ATRNL1: variants seen among roughly 807,000 people sequenced by gnomAD.
ATRNL1 encodes the protein attractin-like protein 1.
A neutral mutation model predicts 182.7 loss-of-function variants in ATRNL1; 95 were observed. The ratio of observed to expected loss-of-function variants is 0.52; its 90% CI spans 0.44 to 0.62. The LOEUF is 0.62. Among genes scored for constraint, ATRNL1 ranks in the 20% least tolerant of loss-of-function variants. The probability of loss-of-function intolerance (pLI) is 0.00; values close to 1 mark genes in which losing one functional copy is unlikely to be tolerated. For missense variants in ATRNL1, 1,471 were observed against 1,679.5 expected, an observed-to-expected ratio of 0.88 and a Z score of 2.17; for synonymous variants, 576 against 568.3, an observed-to-expected ratio of 1.01 and a Z score of -0.19.
At chr10:115,124,411 A>C (rs1425198236) in intron 3 of ATRNL1, among the ~76,000 whole-genome samples, 7 of 152,154 alleles carry the variant, frequency 4.6e-5, no homozygotes, top group African/African-American at 1.7e-4. Context: ...AGGATCATAA[A>C]TGCAAAGCTT....
chr10:115,319,815 A>G (rs190888110), intron 18 of ATRNL1, among the ~76,000 whole-genome samples: 1 of 151,890 alleles, frequency 6.6e-6, no homozygotes, highest in East Asian at 1.9e-4. Flanking sequence ...TCCTGAATAC[A>G]GCACACTGAT....
intron 26 of ATRNL1, among the ~76,000 whole-genome samples, chr10:115,579,559 A>G (rs1854940458): frequency 6.6e-6 from 1 of 151,748 alleles, no homozygotes; most frequent in South Asian, 2.1e-4. Context: ...TTTGGTTTCC[A>G]TTTGCATGAA....
chr10:115,449,823 A>G (rs929127957), intron 21 of ATRNL1, among the ~76,000 whole-genome samples: 2 of 152,100 alleles, frequency 1.3e-5, no homozygotes, highest in Admixed American at 6.6e-5. Flanking sequence ...TCATACCAAA[A>G]CCTGGCAGAG....
chr10:115,161,937 T>A (rs1360346996), intron 6 of ATRNL1, among the ~76,000 whole-genome samples: 3 of 152,112 alleles, frequency 2.0e-5, no homozygotes, highest in Admixed American at 1.3e-4. Flanking sequence ...TAAGACAAAT[T>A]ATTCACTAAA....
chr10:115,627,951 G>A (rs903135855), intron 26 of ATRNL1, among the ~76,000 whole-genome samples: 2 of 151,830 alleles, frequency 1.3e-5, no homozygotes, highest in African/African-American at 4.8e-5. Context: ...TCGAGACCAG[G>A]CTGGCCAACA....
chr10:115,576,196 A>G (rs1854698226), intron 26 of ATRNL1, among the ~76,000 whole-genome samples: 10 of 152,044 alleles, frequency 6.6e-5, no homozygotes, highest in Admixed American at 6.6e-4. Context: ...TGCAGTGAAC[A>G]TGGATCACAG....
chr10:115,527,894 CCCTTCCTT>C (rs782069780), intron 25 of ATRNL1, among the ~76,000 whole-genome samples: 3 of 59,082 alleles, frequency 5.1e-5, no homozygotes, highest in East Asian at 4.2e-4. Flanking sequence ...CTCCTTCCCT[CCCTTCCTT>C]CCTTCCTTCC....
intron 27 of ATRNL1, among the ~76,000 whole-genome samples, chr10:115,754,134 C>T (rs1376177529): frequency 6.6e-6 from 1 of 152,172 alleles, no homozygotes; most frequent in Admixed American, 6.5e-5. Flanking sequence ...CCTGCTCACT[C>T]TGATGATAGT....
intron 19 of ATRNL1, among the ~76,000 whole-genome samples, chr10:115,339,334 T>A (rs951999454): frequency 6.6e-5 from 10 of 152,140 alleles, no homozygotes; most frequent in South Asian, 4.1e-4. Context: ...TATTGATTCT[T>A]CCAATCCATG....
intron 19 of ATRNL1, among the ~76,000 whole-genome samples, chr10:115,390,808 AT>A (rs1843978920): frequency 7.9e-5 from 12 of 152,316 alleles, no homozygotes; most frequent in Admixed American, 5.2e-4. Flanking sequence ...TTCCATTTAT[AT>A]AAGTCACTCG....
chr10:115,443,649 C>T (rs1472767372), intron 21 of ATRNL1, among the ~76,000 whole-genome samples: 1 of 151,916 alleles, frequency 6.6e-6, no homozygotes, highest in African/African-American at 2.4e-5. Context: ...TATAAAACCA[C>T]AGTGTTTTGA....
At chr10:115,227,567 T>C (rs1037429208) in intron 9 of ATRNL1, among the ~76,000 whole-genome samples, 2 of 152,190 alleles carry the variant, frequency 1.3e-5, no homozygotes, top group East Asian at 3.8e-4. Flanking sequence ...ACTGGGTATA[T>C]GCACAAAGGG....
chr10:115,597,691 C>A (rs527902696), intron 26 of ATRNL1: 1 of 448,916 alleles, frequency 2.2e-6, no homozygotes, highest in Non-Finnish European at 4.4e-6. Flanking sequence ...CCATTACAGG[C>A]GCCCACTACC....
Position 115,364,456 on chromosome 10 carries a change from C to T in ATRNL1, c.3175+30037C>T, listed in dbSNP as rs1278730017. On this transcript the variant is annotated intron_variant, in intron 19 of 28. Transcript: ENST00000355044. ...GGGTTTTCTAGATATACAATCATAT[C>T]GTCTGCAAACAGGGACAATTTGACT... 4.1e-3 allele frequency among the ~76,000 whole-genome samples: 598 copies of T among 147,618 alleles called. 4 individuals are homozygous for T. The highest frequency in any genetic ancestry group is 0.01 in the Middle Eastern group (3 of 294).
chr10:115,838,085 A>G (rs971871801), intron 27 of ATRNL1, among the ~76,000 whole-genome samples: 2 of 152,152 alleles, frequency 1.3e-5, no homozygotes, highest in African/African-American at 4.8e-5. Flanking sequence ...TATTTTCTGT[A>G]TGGAAAAGCT....
intron 26 of ATRNL1, among the ~76,000 whole-genome samples, chr10:115,704,216 T>C (rs533846508): frequency 6.6e-6 from 1 of 152,002 alleles, no homozygotes; most frequent in East Asian, 1.9e-4. Flanking sequence ...CTTCCTAGCT[T>C]CTGGTGGGTT....
At chr10:115,572,963 T>C (rs975599183) in intron 26 of ATRNL1, among the ~76,000 whole-genome samples, 3 of 152,094 alleles carry the variant, frequency 2.0e-5, no homozygotes, top group Admixed American at 1.3e-4. Context: ...TCCACTGTAG[T>C]GTCTAGGGGT....
At chr10:115,744,208 T>A (rs951665551) in intron 27 of ATRNL1, among the ~76,000 whole-genome samples, 2 of 152,116 alleles carry the variant, frequency 1.3e-5, no homozygotes, top group African/African-American at 4.8e-5. Context: ...AGAATGATTA[T>A]GCCTATATAA....
chr10:115,545,763 TA>T (rs1441326973), intron 25 of ATRNL1, among the ~76,000 whole-genome samples: 1 of 152,240 alleles, frequency 6.6e-6, no homozygotes, highest in African/African-American at 2.4e-5. Context: ...CTTTTCTATA[TA>T]CACTATTATT....
Sources: allele counts gnomAD v4.1 joint callset (sites outside exome capture counted in the v4.1 genomes callset), GRCh38; gene constraint gnomAD v4.1.1; transcripts MANE v1.5; gene names NCBI Gene and HGNC (gene_info 2026-07-23, HGNC 2026-07-21).